The following NAV1 variants were observed in gnomAD, a reference collection of about 807,000 sequenced individuals.
NAV1 encodes pore membrane and/or filament interacting like protein 3.
A neutral mutation model predicts 175.2 loss-of-function variants in NAV1; 18 were observed. The observed-to-expected ratio is 0.10, with a 90% CI of 0.07 to 0.15. The LOEUF is 0.15. Ranked by LOEUF, NAV1 falls within the 10% of genes least tolerant of loss-of-function variation. The pLI is 1.00. For synonymous variants in NAV1, 897 were observed against 978.7 expected, an observed-to-expected ratio of 0.92 and a Z score of 1.56; for missense variants, 1,731 against 2,436.6, an observed-to-expected ratio of 0.71 and a Z score of 6.10.
chr1:201,771,143 C>G (rs1675549919), intron 3 of NAV1, among the ~76,000 whole-genome samples: 1 of 151,304 alleles, frequency 6.6e-6, no homozygotes, highest in Non-Finnish European at 1.5e-5. Flanking sequence ...CTGATCCTGC[C>G]CTCAAAACAT....
chr1:201,797,996 A>G (rs1433016534), intron 15 of NAV1: 1 of 152,160 alleles, frequency 6.6e-6, no homozygotes, highest in Non-Finnish European at 1.5e-5. Context: ...CTCTAACTTA[A>G]TATGTCCAAA....
At chr1:201,611,957 G>A (rs867476537) in intron 2 of NAV1, among the ~76,000 whole-genome samples, 6 of 146,508 alleles carry the variant, frequency 4.1e-5, no homozygotes, top group Non-Finnish European at 3.0e-5. Flanking sequence ...TGTGCGGTGC[G>A]AGTGTGTATG....
At chr1:201,602,660 T>TG (rs200613124) in intron 2 of NAV1, among the ~76,000 whole-genome samples, 1,840 of 124,900 alleles carry the variant, frequency 0.015, 51 homozygotes, top group African/African-American at 0.045. Flanking sequence ...GGTTTTTTTT[T>TG]TTTTTGGTTT....
At chr1:201,706,241 GTTA>G (rs1343941821) in intron 1 of NAV1, among the ~76,000 whole-genome samples, 1 of 146,702 alleles carries the variant, frequency 6.8e-6, no homozygotes, top group African/African-American at 2.6e-5. Flanking sequence ...CTTTTTGGGA[GTTA>G]TTAAGAAGGG....
At chr1:201,639,664 C>A (rs1223344844) in intron 2 of NAV1, among the ~76,000 whole-genome samples, 1 of 152,128 alleles carries the variant, frequency 6.6e-6, no homozygotes, top group East Asian at 1.9e-4. Context: ...CAGCCCCTAT[C>A]CTCCCCTCCC....
intron 1 of NAV1, among the ~76,000 whole-genome samples, chr1:201,678,573 A>G (rs1670349522): frequency 6.6e-6 from 1 of 152,170 alleles, no homozygotes; most frequent in Admixed American, 6.5e-5. Context: ...TGAGTTTCCT[A>G]GTAACTTCAG....
chr1:201,625,028 A>G (rs1207764489), intron 1 of NAV1, among the ~76,000 whole-genome samples: 1 of 152,226 alleles, frequency 6.6e-6, no homozygotes, highest in East Asian at 1.9e-4. Context: ...CAGGACAAGG[A>G]AGTGAATGGT....
chr1:201,714,492 A>G (rs1672053386), intron 2 of NAV1, among the ~76,000 whole-genome samples: 1 of 152,128 alleles, frequency 6.6e-6, no homozygotes, highest in African/African-American at 2.4e-5. Flanking sequence ...CAGAACCCTG[A>G]CTACTGAAAG....
intron 3 of NAV1, among the ~76,000 whole-genome samples, chr1:201,751,390 C>T (rs768238939): frequency 5.9e-5 from 9 of 152,310 alleles, no homozygotes; most frequent in East Asian, 5.8e-4. Context: ...ATTTGTTCCA[C>T]GGCTGAGGGC....
intron 3 of NAV1, among the ~76,000 whole-genome samples, chr1:201,720,008 A>G (rs1323441712): frequency 6.6e-6 from 1 of 152,228 alleles, no homozygotes; most frequent in African/African-American, 2.4e-5. Flanking sequence ...TGACGCATGA[A>G]TGGAGTTGTT....
At chr1:201,766,720 G>C (rs2102653452) in intron 3 of NAV1, among the ~76,000 whole-genome samples, 1 of 152,290 alleles carries the variant, frequency 6.6e-6, no homozygotes, top group East Asian at 1.9e-4. Context: ...AGCAGCTAAA[G>C]AACTCCAGCT....
At chr1:201,744,128 C>G (rs1171286699) in intron 3 of NAV1, among the ~76,000 whole-genome samples, 1 of 152,138 alleles carries the variant, frequency 6.6e-6, no homozygotes, top group Non-Finnish European at 1.5e-5. Context: ...GGTGATCCAC[C>G]CGCCTCGTCC....
In NAV1 at chr1:201,539,152, C is replaced by T. The variant is rs1183234083; in HGVS notation, c.-334C>T. On this transcript the variant is annotated 5_prime_UTR_variant, in exon 1 of 34. Coordinates refer to the NAV1 transcript ENST00000685211. The surrounding 1 kb of genome is among the most constrained non-coding windows in gnomAD (Gnocchi z 5.6). ...ATTGTGGGGCCGGGGCCGGCGGCTG[C>T]CCTAGTGCGGGGCCCGAGGCTGGAG... 6.6e-6 allele frequency among the ~76,000 whole-genome samples: 1 copy of T among 152,214 alleles called. No homozygotes were observed. The highest frequency in any genetic ancestry group is 1.5e-5 in the Non-Finnish European group (1 of 68,032).
intron 2 of NAV1, among the ~76,000 whole-genome samples, chr1:201,715,512 T>G (rs1383702301): frequency 6.6e-6 from 1 of 152,180 alleles, no homozygotes; most frequent in Non-Finnish European, 1.5e-5. Flanking sequence ...CCCTTAGCCC[T>G]GGAAGTAGAC....
At chr1:201,629,550 A>G (rs1558026137) in intron 2 of NAV1, 43 bp downstream of exon 4, 3 of 1,253,006 alleles carry the variant, frequency 2.4e-6, no homozygotes, top group Middle Eastern at 2.2e-4. Context: ...TCGGGAGGCC[A>G]CTGTGCTAGA....
At chr1:201,748,705 A>G (rs1443152753) in intron 3 of NAV1, among the ~76,000 whole-genome samples, 2 of 152,190 alleles carry the variant, frequency 1.3e-5, no homozygotes, top group Non-Finnish European at 1.5e-5. Context: ...AAGACCTTGG[A>G]AAAAAATTTA....
At chr1:201,815,981 T>G (rs2678214) in intron 28 of NAV1, among the ~76,000 whole-genome samples, 147,595 of 152,206 alleles carry the variant, frequency 0.97, 71,741 homozygotes, top group East Asian at 1. Flanking sequence ...CAGGCGATCT[T>G]CCCACCTCGG....
chr1:201,762,794 C>G (rs1474887367), intron 3 of NAV1, among the ~76,000 whole-genome samples: 1 of 152,222 alleles, frequency 6.6e-6, no homozygotes, highest in African/African-American at 2.4e-5. Flanking sequence ...AGACACTATT[C>G]TACATTTCTT....
intron 2 of NAV1, among the ~76,000 whole-genome samples, chr1:201,603,375 T>G (rs756517348): frequency 6.6e-5 from 10 of 152,200 alleles, no homozygotes; most frequent in Non-Finnish European, 1.2e-4. Flanking sequence ...AACATGGAAT[T>G]GCTGCATCAC....
Sources: gnomAD v4.1 joint callset for allele counts (sites outside exome capture counted in the v4.1 genomes callset) on GRCh38, gnomAD v4.1.1 for gene constraint, Gnocchi (gnomAD v3.1) non-coding constraint, MANE v1.5 for transcripts, NCBI Gene and HGNC (gene_info 2026-07-23, HGNC 2026-07-21) for gene names.